LAMB3: variants seen among roughly 807,000 people sequenced by gnomAD.
LAMB3 encodes laminin subunit beta 3.
A neutral mutation model predicts 140.3 loss-of-function variants in LAMB3; 104 were observed. That is an observed-to-expected ratio of 0.74 (90% confidence interval 0.63 to 0.87). The LOEUF is 0.87. Among genes scored for constraint, LAMB3 ranks in the 40% least tolerant of loss-of-function variants. The probability of loss-of-function intolerance (pLI) is 0.00; values close to 1 mark genes in which losing one functional copy is unlikely to be tolerated. For missense variants in LAMB3, 1,531 were observed against 1,575.2 expected (o/e 0.97, Z 0.47); for synonymous variants, 592 against 602.9 (o/e 0.98, Z 0.26).
At position 209,625,700 on chromosome 1, in the gene LAMB3, C is replaced by A. The variant is rs767931599; in HGVS notation, c.1924G>T (p.Ala642Ser). Residue 642 changes from alanine (A) to serine (S), a missense_variant, in exon 14 of 23, where the codon GCA becomes TCA. Physicochemically the swap from Ala to Ser is moderately conservative, Grantham distance 99 (BLOSUM62 1). Transcript: ENST00000356082. Reference protein sequence around the residue: ...EQIRAVLSSPAVTEQEVAQVA... With the variant: ...EQIRAVLSSPSVTEQEVAQVA... ...TGAGCCACCTCCTGCTCTGTGACTG[C>A]GGGGCTGCTGAGAACTGCTCGGATC... 1.2e-6 allele frequency: 2 copies of A among 1,614,128 alleles called. No individual in the cohort carries two copies. Among genetic ancestry groups the A allele is most frequent in the Admixed American group, 3.3e-5 (2 of 60,012 alleles).
chr1:209,625,853 C>A lies in LAMB3; in HGVS notation c.1771G>T (p.Asp591Tyr), dbSNP rs1296468026. 3.1e-6 allele frequency: 5 copies of A among 1,614,000 alleles called. No homozygotes were observed. The highest frequency in any genetic ancestry group is 4.2e-6 in the Non-Finnish European group (5 of 1,180,014). Residue 591 changes from aspartate (D) to tyrosine (Y), a missense_variant, in exon 14 of 23, where the codon GAC becomes TAC. Transcript: ENST00000356082. ...CHPCFQTYDA[D>Y]LREQALRFGR... ...AAGCGCAGGGCCTGCTCCCGGAGGT[C>A]CGCATCATAGGTCTGGAAGCAAGGG... is the stretch of plus-strand genomic sequence containing the variant.
chr1:209,620,359 C>A (rs776475584), intron 18 of LAMB3, among the ~76,000 whole-genome samples: 1 of 152,132 alleles, frequency 6.6e-6, no homozygotes, highest in Non-Finnish European at 1.5e-5. Flanking sequence ...GGGCCCCCAG[C>A]GCCATCTGAT....
chr1:209,626,471 C>T (rs1292076769), intron 13 of LAMB3, among the ~76,000 whole-genome samples: 2 of 152,124 alleles, frequency 1.3e-5, no homozygotes, highest in African/African-American at 4.8e-5. Flanking sequence ...GGCCTGTGCT[C>T]CTGTGGTGAC....
At chr1:209,647,696 G>A (rs375332063) in intron 3 of LAMB3, among the ~76,000 whole-genome samples, 117 of 152,170 alleles carry the variant, frequency 7.7e-4, no homozygotes, top group Non-Finnish European at 6.8e-4. Flanking sequence ...CTCATTTCTG[G>A]CTGTGGCTGT....
chr1:209,630,585 T>C, intron 9 of LAMB3, 30 bp downstream of exon 9: 1 of 1,614,008 alleles, frequency 6.2e-7, no homozygotes, highest in South Asian at 1.1e-5. Flanking sequence ...ACCCAGACCC[T>C]ACAGGGGAGG....
At chr1:209,631,092 TGG>T (rs761898426) in intron 8 of LAMB3, among the ~76,000 whole-genome samples, 1 of 152,222 alleles carries the variant, frequency 6.6e-6, no homozygotes, top group Non-Finnish European at 1.5e-5. Flanking sequence ...CAGAAGCTGG[TGG>T]GGCCCTCTGG....
At chr1:209,621,572 A>G (rs1050476277) in intron 18 of LAMB3, among the ~76,000 whole-genome samples, 1 of 151,890 alleles carries the variant, frequency 6.6e-6, no homozygotes, top group African/African-American at 2.4e-5. Flanking sequence ...AACAATATCA[A>G]CTCTTGTTCC....
Position 209,628,136 on chromosome 1 carries a change from G to T in LAMB3, c.1187C>A (p.Thr396Asn), listed in dbSNP as rs1242204681. 1 of 1,577,610 alleles carries T rather than the reference G, an allele frequency of 6.3e-7. No individual in the cohort carries two copies. The highest frequency in any genetic ancestry group is 1.4e-5 in the African/African-American group (1 of 74,002). Residue 396 changes from threonine to asparagine, a missense_variant, in exon 11 of 23, where the codon ACC becomes AAC. Coordinates refer to ENST00000356082, the MANE Select transcript of LAMB3 (RefSeq NM_000228.3). ...ATGCTCCTTGCACACACACTGCCCG[G>T]TCACTGGGTCACAGGGAGCCCCTGG... ...AVPGAPCDPV[T>N]GQCVCKEHVQ... is the part of the protein sequence containing the mutation.
rs750019735 is a variant in LAMB3, at chr1:209,618,021, C to T, written c.2937G>A (p.Gln979=). ...GCAGGTTCCCAACCACATCTTCCAC[C>T]TGGCCCTCCACTGCATGGGCTCGGC... ...ARSRAHAVEG[Q]VEDVVGNLRQ... is the part of the protein sequence containing the mutation. The change falls in exon 20 of 23, where the codon CAG becomes CAA. Residue 979 remains glutamine (Q), a synonymous_variant. Coordinates refer to ENST00000356082, the MANE Select transcript of LAMB3 (RefSeq NM_000228.3). 5.0e-6 allele frequency: 8 copies of T among 1,614,056 alleles called. No individual in the cohort carries two copies. The highest frequency in any genetic ancestry group is 3.3e-5 in the Admixed American group (2 of 60,010).
intron 12 of LAMB3, 71 bp from the exon 13 acceptor site, chr1:209,627,049 G>T: frequency 1.8e-6 from 2 of 1,132,670 alleles, no homozygotes; most frequent in Non-Finnish European, 2.6e-6. Context: ...CAGGGACTGT[G>T]TCCTAGATTC....
At chr1:209,615,992 C>T (rs957917511) in intron 22 of LAMB3, among the ~76,000 whole-genome samples, 2 of 152,114 alleles carry the variant, frequency 1.3e-5, no homozygotes, top group Non-Finnish European at 2.9e-5. Context: ...GGCTTCCCAA[C>T]ACCCTTATCC....
chr1:209,621,997 C>A (rs548793236), intron 18 of LAMB3, among the ~76,000 whole-genome samples: 40 of 152,326 alleles, frequency 2.6e-4, no homozygotes, highest in African/African-American at 8.9e-4. Flanking sequence ...GGGGGACAAA[C>A]AGATCGGATG....
intron 18 of LAMB3, among the ~76,000 whole-genome samples, chr1:209,619,650 T>C (rs1272655195): frequency 2.0e-5 from 3 of 152,164 alleles, no homozygotes; most frequent in Admixed American, 2.0e-4. Flanking sequence ...CTCCTCCCCA[T>C]CTCTCCCAAT....
chr1:209,633,056 G>A lies in LAMB3; in HGVS notation c.628+14C>T, dbSNP rs1666753295. ...ACCCATAGTTCCATGGACAAGAGAA[G>A]TAACCACACTGACCTTGAATTTTTT... is the stretch of plus-strand genomic sequence containing the variant. On this transcript the variant is annotated intron_variant, in intron 7 of 22. Coordinates refer to ENST00000356082, the MANE Select transcript of LAMB3 (RefSeq NM_000228.3). 6.3e-7 allele frequency: 1 copy of A among 1,582,754 alleles called. No individual in the cohort carries two copies. Among genetic ancestry groups the A allele is most frequent in the Non-Finnish European group, 8.7e-7 (1 of 1,151,520 alleles).
At chr1:209,633,740 T>C (rs1194750708) in intron 6 of LAMB3, among the ~76,000 whole-genome samples, 1 of 152,148 alleles carries the variant, frequency 6.6e-6, no homozygotes, top group Admixed American at 6.5e-5. Flanking sequence ...ATGGCCTGCA[T>C]AGAGGGCCCC....
chr1:209,622,230 T>G (rs745764259), intron 18 of LAMB3, among the ~76,000 whole-genome samples: 6 of 152,192 alleles, frequency 3.9e-5, no homozygotes, highest in Non-Finnish European at 7.3e-5. Context: ...GAGAGCTCAT[T>G]CCAAGAACAA....
chr1:209,633,905 C>A (rs1157769108), intron 6 of LAMB3, among the ~76,000 whole-genome samples: 1 of 152,178 alleles, frequency 6.6e-6, no homozygotes, highest in Non-Finnish European at 1.5e-5. Flanking sequence ...TAGGGAGAAA[C>A]ATTCTGAGTT....
chr1:209,646,581 G>A (rs74334523), intron 3 of LAMB3, among the ~76,000 whole-genome samples: 5,582 of 152,266 alleles, frequency 0.037, 365 homozygotes, highest in East Asian at 0.3. Context: ...GATTGGCACC[G>A]ATCACCTTGG....
chr1:209,640,499 G>C (rs1382895634), intron 3 of LAMB3, among the ~76,000 whole-genome samples: 1 of 151,770 alleles, frequency 6.6e-6, no homozygotes, highest in African/African-American at 2.4e-5. Context: ...AGTGAGACGA[G>C]ATCGTGCCAC....
Sources: allele counts gnomAD v4.1 joint callset (sites outside exome capture counted in the v4.1 genomes callset), GRCh38; gene constraint gnomAD v4.1.1; transcripts MANE v1.5; gene names NCBI Gene and HGNC (gene_info 2026-07-23, HGNC 2026-07-21).